KIAA1549L: variants seen among roughly 807,000 people sequenced by gnomAD.
The protein encoded by KIAA1549L is UPF0606 protein KIAA1549L.
A neutral mutation model predicts 160.7 loss-of-function variants in KIAA1549L; 88 were observed. That is an observed-to-expected ratio of 0.55 (90% CI 0.46 to 0.65). The LOEUF is 0.65. KIAA1549L is among the 30% of genes least tolerant of loss of function. The pLI is 0.00. For missense variants in KIAA1549L, 2,258 were observed against 2,437.5 expected (o/e 0.93, Z 1.55); for synonymous variants, 950 against 976.7 (o/e 0.97, Z 0.51).
rs1167925210 is a variant in KIAA1549L at position 33,543,043 on chromosome 11, C to G, written c.1480C>G (p.Pro494Ala). The change falls in exon 2 of 21, where the codon CCA becomes GCA. Residue 494 changes from proline to alanine, a missense_variant. This residue lies in a region of KIAA1549L where 540 missense variants were observed against 465.7 expected (regional missense o/e 1.16). Coordinates refer to ENST00000658780, the MANE Select transcript of KIAA1549L (RefSeq NM_012194.3). ...CCTTTCTGGGGCGGTTCCCGCATCA[C>G]CATCAACTGGGACAGCCGACTTTCC... ...AILSGAVPAS[P>A]STGTADFPSI... is the part of the protein sequence containing the mutation. 25 of 1,613,846 alleles carry G rather than the reference C, an allele frequency of 1.5e-5. No homozygotes were observed. The highest frequency in any genetic ancestry group is 2.1e-5 in the Non-Finnish European group (25 of 1,179,904).
intron 1 of KIAA1549L, among the ~76,000 whole-genome samples, chr11:33,523,886 C>G (rs1164541611): frequency 6.6e-6 from 1 of 152,078 alleles, no homozygotes; most frequent in East Asian, 1.9e-4. Flanking sequence ...ATGCCTCCTT[C>G]TACATTTTTG....
At chr11:33,612,868 T>A (rs1850683377) in intron 15 of KIAA1549L, among the ~76,000 whole-genome samples, 1 of 152,214 alleles carries the variant, frequency 6.6e-6, no homozygotes, top group African/African-American at 2.4e-5. Flanking sequence ...GGTTTTCTGT[T>A]CCTGTATTAG....
At chr11:33,584,801 A>G (rs556209457) in intron 11 of KIAA1549L, among the ~76,000 whole-genome samples, 3 of 152,286 alleles carry the variant, frequency 2.0e-5, no homozygotes, top group East Asian at 3.9e-4. Context: ...CATTTTCGCC[A>G]TTATACACCT....
intron 1 of KIAA1549L, among the ~76,000 whole-genome samples, chr11:33,488,052 C>A (rs1369437313): frequency 6.6e-6 from 1 of 152,172 alleles, no homozygotes; most frequent in African/African-American, 2.4e-5. Context: ...TATTATCTGT[C>A]ACTTAACATC....
intron 11 of KIAA1549L, among the ~76,000 whole-genome samples, chr11:33,586,836 A>T (rs998919569): frequency 6.6e-6 from 1 of 152,212 alleles, no homozygotes; most frequent in Admixed American, 6.5e-5. Context: ...CTGGGAACTC[A>T]TGATAATACC....
chr11:33,590,221 A>C (rs1385736223), intron 11 of KIAA1549L, among the ~76,000 whole-genome samples: 6 of 152,222 alleles, frequency 3.9e-5, no homozygotes, highest in Non-Finnish European at 1.5e-5. Context: ...AATTAACATA[A>C]TAACAATGGC....
At chr11:33,582,991 C>A (rs973944073) in intron 10 of KIAA1549L, among the ~76,000 whole-genome samples, 1 of 152,212 alleles carries the variant, frequency 6.6e-6, no homozygotes, top group Non-Finnish European at 1.5e-5. Flanking sequence ...TTTCTTTTGA[C>A]TTGTGGATGT....
At chr11:33,641,048 T>C (rs7948527) in intron 16 of KIAA1549L, among the ~76,000 whole-genome samples, 9,494 of 152,226 alleles carry the variant, frequency 0.062, 999 homozygotes, top group African/African-American at 0.22. Context: ...AATATGCCAG[T>C]GAGGGAGAAG....
intron 1 of KIAA1549L, among the ~76,000 whole-genome samples, chr11:33,409,048 A>T (rs899371613): frequency 6.6e-6 from 1 of 152,060 alleles, no homozygotes; most frequent in East Asian, 1.9e-4. Flanking sequence ...TCAGAACAAC[A>T]CAATAGTCAG....
chr11:33,447,201 G>T (rs979420505), intron 1 of KIAA1549L, among the ~76,000 whole-genome samples: 3 of 148,962 alleles, frequency 2.0e-5, no homozygotes, highest in Non-Finnish European at 4.4e-5. Flanking sequence ...GAAAGTCACA[G>T]AGTTGAGAAT....
intron 17 of KIAA1549L, among the ~76,000 whole-genome samples, chr11:33,654,862 G>A (rs1852010473): frequency 6.6e-6 from 1 of 152,220 alleles, no homozygotes; most frequent in African/African-American, 2.4e-5. Context: ...TATTGAGTGG[G>A]TTGGCCCTTA....
intron 1 of KIAA1549L, among the ~76,000 whole-genome samples, chr11:33,408,160 CAG>C (rs998294389): frequency 3.3e-5 from 5 of 152,124 alleles, no homozygotes; most frequent in African/African-American, 1.2e-4. Flanking sequence ...GTGTACAAAA[CAG>C]AAAGATTGGA....
At chr11:33,586,005 A>G (rs1361922998) in intron 11 of KIAA1549L, among the ~76,000 whole-genome samples, 2 of 152,220 alleles carry the variant, frequency 1.3e-5, no homozygotes, top group Non-Finnish European at 2.9e-5. Context: ...AGCAGGGTGG[A>G]ACTGCCTCCT....
Position 33,543,822 on chromosome 11 carries a change from C to T in KIAA1549L, c.2259C>T (p.Ala753=), listed in dbSNP as rs1403886847. ...ATGGTTTAACTTCAGCTGCCGATGC[C>T]ATAAAATCTCAGGATTTCAAAGATA... The part of the protein sequence containing the change: ...PPNGLTSAAD[A]IKSQDFKDTA... Residue 753 remains alanine, a synonymous_variant, in exon 2 of 21, where the codon GCC becomes GCT. Coordinates refer to ENST00000658780, the MANE Select transcript of KIAA1549L (RefSeq NM_012194.3). The T allele has an allele frequency of 2.5e-6, 4 of 1,613,900 alleles. No homozygotes were observed. In the South Asian group the frequency reaches 4.4e-5, roughly 18 times the overall value.
At chr11:33,465,541 G>A (rs1226403090) in intron 1 of KIAA1549L, among the ~76,000 whole-genome samples, 1 of 152,164 alleles carries the variant, frequency 6.6e-6, no homozygotes, top group Non-Finnish European at 1.5e-5. Context: ...TATGGGCAGG[G>A]GCTTAACTTT....
At chr11:33,624,347 G>A (rs1034547617) in intron 16 of KIAA1549L, among the ~76,000 whole-genome samples, 4 of 152,212 alleles carry the variant, frequency 2.6e-5, no homozygotes, top group African/African-American at 9.6e-5. Flanking sequence ...GTCCTAAGCA[G>A]CATGGCTTAG....
At chr11:33,605,650 A>G (rs1338891124) in intron 13 of KIAA1549L, among the ~76,000 whole-genome samples, 2 of 152,204 alleles carry the variant, frequency 1.3e-5, no homozygotes, top group Non-Finnish European at 2.9e-5. Flanking sequence ...GTTTCTCAAT[A>G]ATTTAAATAA....
chr11:33,553,306 ATTTTTTTT>A (rs5790938), intron 6 of KIAA1549L, among the ~76,000 whole-genome samples: 1 of 144,940 alleles, frequency 6.9e-6, no homozygotes, highest in African/African-American at 2.6e-5. Flanking sequence ...GGTGCGCTGT[ATTTTTTTT>A]TTTTTTTGCA....
rs1852690148 is a variant in KIAA1549L at position 33,672,144 on chromosome 11, T to G, written c.*3990T>G. The G allele has an allele frequency of 6.6e-6, 1 of 152,250 alleles. No individual in the cohort carries two copies. Among genetic ancestry groups the G allele is most frequent in the Non-Finnish European group, 1.5e-5 (1 of 68,060 alleles). 9.4% of individuals were successfully genotyped at this position (152,250 alleles called of 1,614,324 possible). Reference sequence around the variant, plus strand: ...GGGATGGAGACAGCTACCTTTGCTCTTGCTCTCACATTCTCTGTCCTCATG... The same window carrying G: ...GGGATGGAGACAGCTACCTTTGCTCGTGCTCTCACATTCTCTGTCCTCATG... On this transcript the variant is annotated 3_prime_UTR_variant, in exon 21 of 21. Coordinates refer to ENST00000658780, the MANE Select transcript of KIAA1549L (RefSeq NM_012194.3).
Sources: allele counts gnomAD v4.1 joint callset (sites outside exome capture counted in the v4.1 genomes callset), GRCh38; gene constraint gnomAD v4.1.1; regional missense constraint gnomAD v4.1.1; transcripts MANE v1.5; gene names NCBI Gene and HGNC (gene_info 2026-07-23, HGNC 2026-07-21).